SNTG2: variants seen among roughly 807,000 people sequenced by gnomAD.
The protein encoded by SNTG2 is syntrophin gamma 2.
In SNTG2, 74 loss-of-function variants were observed where a neutral mutation model predicts 70.9. The observed-to-expected ratio is 1.04, with a 90% confidence interval of 0.86 to 1.27. SNTG2 has a LOEUF of 1.27. Ranked by LOEUF, SNTG2 falls within the 50% of genes most tolerant of loss-of-function variation. The pLI is 0.00. For synonymous variants in SNTG2, 278 were observed against 273.8 expected (o/e 1.02, Z -0.15); for missense variants, 717 against 690.7 (o/e 1.04, Z -0.43).
chr2:952,898 A>C (rs565643277), intron 1 of SNTG2, among the ~76,000 whole-genome samples: 1 of 152,254 alleles, frequency 6.6e-6, no homozygotes, highest in Non-Finnish European at 1.5e-5. Flanking sequence ...TCCTTACTTA[A>C]TGGCAGAATT....
chr2:1,297,215 G>A (rs1283978541), intron 14 of SNTG2, among the ~76,000 whole-genome samples: 2 of 152,202 alleles, frequency 1.3e-5, no homozygotes, highest in East Asian at 3.9e-4. Context: ...GCAAGTGAGG[G>A]GAATAAGCTT....
At chr2:1,059,077 GA>G (rs1662645596) in intron 1 of SNTG2, 1 of 152,246 alleles carries the variant, frequency 6.6e-6, no homozygotes, top group Non-Finnish European at 1.5e-5. Context: ...AGAAAAACAG[GA>G]AAGCAAATAC....
At position 1,098,245 on chromosome 2, in the gene SNTG2, G is replaced by A. The variant is rs1165354518; in HGVS notation, c.260G>A (p.Ser87Asn). 7 of 1,613,906 alleles carry A rather than the reference G, an allele frequency of 4.3e-6. No homozygotes were observed. Among genetic ancestry groups the A allele is most frequent in the Admixed American group, 1.7e-5 (1 of 60,014 alleles). ...RRQPVGGLGLSIKGGSEHNVP... is the reference protein window; with the variant it reads ...RRQPVGGLGLNIKGGSEHNVP... The stretch of plus-strand genomic sequence containing the variant: ...CAGCCAGTTGGCGGCTTGGGCCTGA[G>A]TATAAAGGTATGGAAATGGTTTTCT... Residue 87 changes from serine to asparagine, a missense_variant, in exon 3 of 17, where the codon AGT becomes AAT. By Grantham distance (46) the Ser-to-Asn change is conservative (BLOSUM62 1). Coordinates refer to ENST00000308624, the MANE Select transcript of SNTG2 (RefSeq NM_018968.4).
chr2:1,095,796 T>G (rs1665353582), intron 2 of SNTG2, among the ~76,000 whole-genome samples: 1 of 152,342 alleles, frequency 6.6e-6, no homozygotes, highest in South Asian at 2.1e-4. Context: ...TTTAAAATGT[T>G]ATTGAGCATT....
intron 6 of SNTG2, among the ~76,000 whole-genome samples, chr2:1,146,653 A>C (rs776311400): frequency 2.6e-5 from 4 of 152,236 alleles, no homozygotes; most frequent in Non-Finnish European, 5.9e-5. Context: ...CTTACTATAA[A>C]GCTAATTTAA....
At chr2:1,295,627 C>G (rs573462720) in intron 14 of SNTG2, among the ~76,000 whole-genome samples, 4 of 152,202 alleles carry the variant, frequency 2.6e-5, no homozygotes, top group South Asian at 2.1e-4. Flanking sequence ...CTGTAGAAGG[C>G]TGAGTCTCCC....
At chr2:1,162,812 T>C (rs1366336363) in intron 6 of SNTG2, among the ~76,000 whole-genome samples, 4 of 152,088 alleles carry the variant, frequency 2.6e-5, no homozygotes, top group East Asian at 3.9e-4. Context: ...AATCTGCTAG[T>C]GGTTAAGCTT....
At chr2:1,055,032 C>T (rs138827012) in intron 1 of SNTG2, among the ~76,000 whole-genome samples, 65 of 152,144 alleles carry the variant, frequency 4.3e-4, no homozygotes, top group African/African-American at 1.3e-3. Context: ...ATCCAGCCTG[C>T]GTCAGGTACT....
At chr2:1,017,967 C>T (rs779142328) in intron 1 of SNTG2, among the ~76,000 whole-genome samples, 34 of 152,310 alleles carry the variant, frequency 2.2e-4, no homozygotes, top group Non-Finnish European at 2.5e-4. Flanking sequence ...GAGTGCCCCA[C>T]GCCATCTCCA....
intron 1 of SNTG2, among the ~76,000 whole-genome samples, chr2:1,057,103 G>T (rs957122058): frequency 6.6e-6 from 1 of 152,136 alleles, no homozygotes; most frequent in South Asian, 2.1e-4. Context: ...TGGGAGCTGG[G>T]GCCAGGCCTG....
At chr2:986,739 GA>G (rs61311273) in intron 1 of SNTG2, among the ~76,000 whole-genome samples, 24,693 of 152,214 alleles carry the variant, frequency 0.16, 2,305 homozygotes, top group African/African-American at 0.25. Flanking sequence ...TCTTTTAGTA[GA>G]AAAGATAAAA....
intron 1 of SNTG2, among the ~76,000 whole-genome samples, chr2:1,026,980 G>T (rs1374173395): frequency 1.3e-5 from 2 of 152,218 alleles, no homozygotes; most frequent in Non-Finnish European, 2.9e-5. Flanking sequence ...TTCTTCCACA[G>T]TAACTTGGCT....
At chr2:1,365,532 C>T (rs1661430129) in intron 16 of SNTG2, among the ~76,000 whole-genome samples, 1 of 152,178 alleles carries the variant, frequency 6.6e-6, no homozygotes, top group Non-Finnish European at 1.5e-5. Flanking sequence ...TTGTGTATCC[C>T]TGCATGGGGT....
At chr2:1,171,818 C>G (rs1435701013) in intron 7 of SNTG2, among the ~76,000 whole-genome samples, 1 of 152,142 alleles carries the variant, frequency 6.6e-6, no homozygotes, top group African/African-American at 2.4e-5. Context: ...CAAAGGGTAA[C>G]AGCGAGCCAT....
At chr2:1,166,016 G>C (rs1194856018) in intron 7 of SNTG2, among the ~76,000 whole-genome samples, 1 of 152,102 alleles carries the variant, frequency 6.6e-6, no homozygotes, top group Non-Finnish European at 1.5e-5. Context: ...GAAAATAATG[G>C]TACATTTATG....
rs1250812865 is a variant in SNTG2 at position 1,016,172 on chromosome 2, A to T, written c.72+65104A>T. ...ATAGTATGACCCCCTTCCTGTAATT[A>T]AAAAAAAAAGTGTATAACTGTTGTC... On this transcript the variant is annotated intron_variant, in intron 1 of 16. Transcript: ENST00000308624. Among the ~76,000 whole-genome samples, 5 of 138,288 alleles carry T rather than the reference A, an allele frequency of 3.6e-5. No individual in the cohort carries two copies. The East Asian group carries it at 5.9e-4, about 16-fold the overall frequency. The allele number at this position is 138,288 out of a possible 152,430, so 90.7% of individuals were successfully genotyped here.
chr2:1,182,101 C>T lies in SNTG2; in HGVS notation c.591+8918C>T, dbSNP rs139400531. ...ATAGAGGGCTGCCTCCCTGATTGTG[C>T]GCATGTGCAAAAATGCTTTTCCTCG... On this transcript the variant is annotated intron_variant, in intron 8 of 16. Transcript: ENST00000308624. Among the ~76,000 whole-genome samples the T allele has an allele frequency of 1.7e-3, 266 of 152,168 alleles. 2 individuals are homozygous for T. The highest frequency in any genetic ancestry group is 5.9e-3 in the African/African-American group (246 of 41,512).
At chr2:1,033,144 G>T (rs1477135272) in intron 1 of SNTG2, among the ~76,000 whole-genome samples, 1 of 152,190 alleles carries the variant, frequency 6.6e-6, no homozygotes. Context: ...CCTCCGCCAG[G>T]TTCCATCTCC....
intron 6 of SNTG2, among the ~76,000 whole-genome samples, chr2:1,154,906 C>T (rs1403349954): frequency 6.7e-6 from 1 of 150,342 alleles, no homozygotes; most frequent in East Asian, 2.0e-4. Context: ...ACACATACCA[C>T]ATACACACAC....
Sources: allele counts gnomAD v4.1 joint callset (sites outside exome capture counted in the v4.1 genomes callset), GRCh38; gene constraint gnomAD v4.1.1; transcripts MANE v1.5; gene names NCBI Gene and HGNC (gene_info 2026-07-23, HGNC 2026-07-21).